The following OXTR variants were observed in gnomAD, a reference collection of about 807,000 sequenced individuals.
The protein encoded by OXTR is oxytocin receptor.
A neutral mutation model predicts 23.9 loss-of-function variants in OXTR; 19 were observed. The observed-to-expected ratio is 0.80, with a 90% confidence interval of 0.56 to 1.17. The LOEUF is 1.17. Among genes scored for constraint, OXTR ranks in the 50% most tolerant of loss-of-function variants. OXTR has a pLI of 0.00. For synonymous variants in OXTR, 278 were observed against 250.5 expected (o/e 1.11, Z -1.04); for missense variants, 500 against 550.7 (o/e 0.91, Z 0.92).
In OXTR at chr3:8,753,233, G is replaced by C; in HGVS notation, c.923-9C>G. The stretch of plus-strand genomic sequence containing the variant: ...GATGATGAAGGCCGAGGCTGAGGGG[G>C]TGGGGGCAGGAGAAAGGAGAAAAGG... On this transcript the variant is annotated splice_polypyrimidine_tract_variant and intron_variant, in intron 3 of 3. Transcript: ENST00000316793. 1 of 1,613,862 alleles carries C rather than the reference G, an allele frequency of 6.2e-7. No homozygotes were observed. Among genetic ancestry groups the C allele is most frequent in the South Asian group, 1.1e-5 (1 of 91,036 alleles).
At position 8,755,969 on chromosome 3, in the gene OXTR, G is replaced by A. The variant is rs377249139; in HGVS notation, c.923-2745C>T. Among the ~76,000 whole-genome samples, 3 of 152,316 alleles carry A rather than the reference G, an allele frequency of 2.0e-5. No individual in the cohort carries two copies. In the East Asian group the frequency reaches 5.8e-4, roughly 29 times the overall value. ...AAAAGGGGAGTTTCACAAGAGAAGA[G>A]TTTGGAAAGATGGTTTGGAACCAGA... On this transcript the variant is annotated intron_variant, in intron 3 of 3. Coordinates refer to ENST00000316793, the MANE Select transcript of OXTR (RefSeq NM_000916.4).
intron 3 of OXTR, among the ~76,000 whole-genome samples, chr3:8,763,603 G>T (rs1398742486): frequency 5.9e-5 from 9 of 152,180 alleles, no homozygotes; most frequent in Non-Finnish European, 1.2e-4. Flanking sequence ...GAAAAGGCTG[G>T]TGCCGAATCT....
chr3:8,741,831 C>T, the OXTR span, among the ~76,000 whole-genome samples: 1 of 152,176 alleles, frequency 6.6e-6, no homozygotes, highest in African/African-American at 2.4e-5. Flanking sequence ...ACCTTCCCCG[C>T]CCTCTCAGAG....
At chr3:8,742,371 A>G in the OXTR span, 1 of 352,466 alleles carries the variant, frequency 2.8e-6, no homozygotes. Context: ...AAAAAAAAAA[A>G]AAAGAAGAAG....
chr3:8,757,984 A>C (rs1445300085), intron 3 of OXTR, among the ~76,000 whole-genome samples: 1 of 152,014 alleles, frequency 6.6e-6, no homozygotes, highest in Non-Finnish European at 1.5e-5. Context: ...CATTTGGGGA[A>C]GGGGCTGCTG....
intron 3 of OXTR, among the ~76,000 whole-genome samples, chr3:8,761,957 C>A (rs13326857): frequency 7.2e-5 from 11 of 152,180 alleles, no homozygotes; most frequent in Non-Finnish European, 1.3e-4. Flanking sequence ...GGGCTGGGGG[C>A]TCTGGCAGGT....
intron 3 of OXTR, among the ~76,000 whole-genome samples, chr3:8,756,806 C>A (rs952091393): frequency 6.6e-6 from 1 of 152,224 alleles, no homozygotes; most frequent in Non-Finnish European, 1.5e-5. Context: ...ATGCCTTCAT[C>A]CGGGCTTCTC....
At chr3:8,764,624 G>A (rs929937821) in intron 3 of OXTR, among the ~76,000 whole-genome samples, 1 of 152,290 alleles carries the variant, frequency 6.6e-6, no homozygotes, top group East Asian at 1.9e-4. Flanking sequence ...AAGGCCAAGT[G>A]GACACACGGC....
At chr3:8,749,531 C>T (rs1161967051), downstream of OXTR, among the ~76,000 whole-genome samples, 1 of 152,116 alleles carries the variant, frequency 6.6e-6, no homozygotes, top group Non-Finnish European at 1.5e-5. Flanking sequence ...GCTAACAGAC[C>T]CCACTGCTGC....
At chr3:8,749,604 T>A (rs992768006), downstream of OXTR, among the ~76,000 whole-genome samples, 1 of 152,186 alleles carries the variant, frequency 6.6e-6, no homozygotes, top group Non-Finnish European at 1.5e-5. Context: ...CAGAACTGCA[T>A]CCTGTTAGCT....
intron 3 of OXTR, among the ~76,000 whole-genome samples, chr3:8,755,821 A>T (rs1229484322): frequency 6.6e-6 from 1 of 152,190 alleles, no homozygotes. Flanking sequence ...TCAGGGGGAG[A>T]TCTATTTGGA....
At chr3:8,741,952 C>T in the OXTR span, among the ~76,000 whole-genome samples, 18 of 152,316 alleles carry the variant, frequency 1.2e-4, no homozygotes, top group East Asian at 3.3e-3. Context: ...CATCGTTCCC[C>T]CTTCCTCACC....
the OXTR span, chr3:8,744,826 G>A: frequency 1.3e-5 from 2 of 152,468 alleles, no homozygotes; most frequent in Admixed American, 1.3e-4. Flanking sequence ...CTAAGTCACT[G>A]TTGGCTTTAA....
chr3:8,745,896 G>C, downstream of OXTR: 4 of 1,589,650 alleles, frequency 2.5e-6, no homozygotes, highest in Non-Finnish European at 3.4e-6. The surrounding 1 kb of genome is among the most constrained non-coding windows in gnomAD (Gnocchi z 4.8). Context: ...CGGTGGCAGG[G>C]CAGGGGGTGG....
At chr3:8,758,201 C>G (rs1048570232) in intron 3 of OXTR, among the ~76,000 whole-genome samples, 2 of 152,084 alleles carry the variant, frequency 1.3e-5, no homozygotes, top group African/African-American at 4.8e-5. Context: ...TCCTTCCCAG[C>G]CTGGCTTTCC....
At chr3:8,765,230 A>G (rs1708579019) in intron 3 of OXTR, among the ~76,000 whole-genome samples, 1 of 152,202 alleles carries the variant, frequency 6.6e-6, no homozygotes, top group African/African-American at 2.4e-5. Flanking sequence ...CGTGTTGACC[A>G]CACACTCTCC....
chr3:8,753,034 A>C lies in OXTR; in HGVS notation c.1113T>G (p.Phe371Leu), dbSNP rs2124994596. ...GGCTGGAGCTGCGATGGCTCAGGAC[A>C]AAGGAGGACGAGTTGCTCTTTTTGC... ...SASKKSNSSSFVLSHRSSSQR... is the reference protein window; with the variant it reads ...SASKKSNSSSLVLSHRSSSQR... The change falls in exon 4 of 4, where the codon TTT (phenylalanine) becomes TTG (leucine). Residue 371 changes from phenylalanine to leucine, a missense_variant. Transcript: ENST00000316793. 6.2e-7 allele frequency: 1 copy of C among 1,614,128 alleles called. No homozygotes were observed. The highest frequency in any genetic ancestry group is 8.5e-7 in the Non-Finnish European group (1 of 1,180,000).
At chr3:8,760,123 T>C (rs1708455809) in intron 3 of OXTR, among the ~76,000 whole-genome samples, 1 of 152,214 alleles carries the variant, frequency 6.6e-6, no homozygotes, top group African/African-American at 2.4e-5. Context: ...TCAGCTACAC[T>C]GACTTGCACC....
Position 8,752,994 on chromosome 3 carries a change from G to A in OXTR, c.1153C>T (p.Gln385Ter). The A allele has an allele frequency of 5.0e-6, 8 of 1,611,960 alleles. No individual in the cohort carries two copies. The highest frequency in any genetic ancestry group is 6.8e-6 in the Non-Finnish European group (8 of 1,178,432). The change falls in exon 4 of 4, where the codon CAG (glutamine) becomes TAG (stop). Residue 385 changes from glutamine to a stop codon, truncating the protein, a stop_gained. Coordinates refer to ENST00000316793, the MANE Select transcript of OXTR (RefSeq NM_000916.4). LOFTEE classifies it high-confidence loss of function. ...HRSSSQRSCS[Q>*]PSTA ...CTGGTGGGTCACGCCGTGGATGGCT[G>A]GGAGCAGCTCCTCTGGCTGGAGCTG...
Sources: allele counts gnomAD v4.1 joint callset (sites outside exome capture counted in the v4.1 genomes callset), GRCh38; gene constraint gnomAD v4.1.1; non-coding constraint Gnocchi (gnomAD v3.1); transcripts MANE v1.5; gene names NCBI Gene and HGNC (gene_info 2026-07-23, HGNC 2026-07-21).